MCPH1: variants seen among roughly 807,000 people sequenced by gnomAD.
MCPH1 encodes the protein microcephalin.
MCPH1 carries 104 observed loss-of-function variants against 84.5 expected under a neutral mutation model. That is an observed-to-expected ratio of 1.23 (90% CI 1.05 to 1.45). The LOEUF (loss-of-function observed/expected upper bound fraction) is 1.45, where lower values mean the gene tolerates loss of function less well. Among genes scored for constraint, MCPH1 ranks in the 40% most tolerant of loss-of-function variants. The pLI is 0.00. For synonymous variants in MCPH1, 514 were observed against 366.8 expected (o/e 1.40, Z -4.58); for missense variants, 1,498 against 1,005.7 (o/e 1.49, Z -6.62).
intron 4 of MCPH1, among the ~76,000 whole-genome samples, chr8:6,433,324 A>C (rs1234399021): frequency 1.8e-4 from 28 of 152,148 alleles, no homozygotes; most frequent in Admixed American, 1.8e-3. Context: ...CAGCTCCACC[A>C]ATCATATACA....
At chr8:6,561,476 G>A (rs539901408) in intron 12 of MCPH1, among the ~76,000 whole-genome samples, 9 of 152,208 alleles carry the variant, frequency 5.9e-5, no homozygotes, top group Non-Finnish European at 8.8e-5. Context: ...TCCAAGATCC[G>A]TTCTGAGATT....
At chr8:6,465,932 C>CATCG (rs1309320518) in intron 9 of MCPH1, among the ~76,000 whole-genome samples, 3 of 113,848 alleles carry the variant, frequency 2.6e-5, no homozygotes, top group Non-Finnish European at 5.9e-5. Context: ...TCGATCCATC[C>CATCG]ATCCATCCAT....
At chr8:6,416,102 G>A (rs867718642) in intron 3 of MCPH1, among the ~76,000 whole-genome samples, 7 of 152,166 alleles carry the variant, frequency 4.6e-5, no homozygotes, top group Admixed American at 3.3e-4. Flanking sequence ...AGCTGTTAGT[G>A]TATAGAAATG....
rs1185950994 is a variant in MCPH1 at position 6,439,004 on chromosome 8, C to T, written c.488C>T (p.Thr163Ile). ...GAATCTAATGGTTCATTAATATATA[C>T]TCCCACAATTGAAATTAATAGTAGG... ...LFESNGSLIY[T>I]PTIEINSRHH... The change falls in exon 6 of 14, where the codon ACT (threonine) becomes ATT (isoleucine). Residue 163 changes from threonine to isoleucine, a missense_variant. Physicochemically the swap from Thr to Ile is moderately conservative, Grantham distance 89. Transcript: ENST00000344683. The T allele has an allele frequency of 6.2e-7, 1 of 1,608,964 alleles. No individual in the cohort carries two copies. Among genetic ancestry groups the T allele is most frequent in the Non-Finnish European group, 8.5e-7 (1 of 1,175,652 alleles).
At chr8:6,439,125 T>C (rs1803106161) in intron 6 of MCPH1, 29 bp downstream of exon 6, 2 of 1,604,250 alleles carry the variant, frequency 1.2e-6, no homozygotes, top group African/African-American at 1.3e-5. Context: ...AAATGAAAAT[T>C]ATGCAAATAG....
intron 13 of MCPH1, among the ~76,000 whole-genome samples, chr8:6,633,438 T>G (rs1358984975): frequency 1.3e-5 from 2 of 152,216 alleles, no homozygotes; most frequent in Non-Finnish European, 1.5e-5. Flanking sequence ...GATTCAAGGC[T>G]AGCCATGTAA....
intron 12 of MCPH1, among the ~76,000 whole-genome samples, chr8:6,524,771 T>C (rs1178625343): frequency 6.6e-6 from 1 of 152,222 alleles, no homozygotes; most frequent in Admixed American, 6.5e-5. Flanking sequence ...TGTGGCCATG[T>C]AAGGTCTGTA....
intron 12 of MCPH1, among the ~76,000 whole-genome samples, chr8:6,594,410 C>T (rs1237116858): frequency 6.6e-6 from 1 of 152,204 alleles, no homozygotes; most frequent in East Asian, 1.9e-4. Context: ...AGAGGGCTTC[C>T]ACTCCCTTGG....
intron 3 of MCPH1, among the ~76,000 whole-genome samples, chr8:6,419,687 T>A (rs1036989399): frequency 6.6e-6 from 1 of 151,866 alleles, no homozygotes; most frequent in African/African-American, 2.4e-5. Context: ...ATTAAAGAAT[T>A]TTTTTTATAG....
intron 8 of MCPH1, chr8:6,445,927 G>T: frequency 5.1e-6 from 5 of 989,384 alleles, no homozygotes; most frequent in Non-Finnish European, 6.0e-6. Context: ...TAAAACCTAG[G>T]TTCTTAATAG....
At chr8:6,553,824 G>A (rs374403246) in intron 12 of MCPH1, among the ~76,000 whole-genome samples, 8 of 152,206 alleles carry the variant, frequency 5.3e-5, no homozygotes, top group African/African-American at 1.9e-4. Context: ...AAAGTCCCAC[G>A]TGATTCAGCC....
chr8:6,492,546 TC>T (rs1810740896), intron 11 of MCPH1, among the ~76,000 whole-genome samples: 1 of 151,740 alleles, frequency 6.6e-6, no homozygotes, highest in South Asian at 2.1e-4. Context: ...GAAGTCCTTG[TC>T]CATGCCTGTG....
chr8:6,626,844 T>C (rs893879901), intron 13 of MCPH1: 16 of 985,042 alleles, frequency 1.6e-5, no homozygotes, highest in South Asian at 4.7e-5. Flanking sequence ...GCTGCTGTTA[T>C]CACGAAAGGC....
Position 6,642,906 on chromosome 8 carries a change from T to C in MCPH1, c.2453-88T>C, listed in dbSNP as rs1057115248. The C allele has an allele frequency of 2.4e-6, 3 of 1,233,408 alleles. No homozygotes were observed. In the Admixed American group the frequency reaches 5.5e-5, roughly 23 times the overall value. 76.4% of individuals were successfully genotyped at this position (1,233,408 alleles called of 1,614,324 possible). ...CAGCTCTTGGCTATTTGTTTTTAAATATAGTTTCATGTATATACAAACAGG... is the reference window on the plus strand; with the variant it reads ...CAGCTCTTGGCTATTTGTTTTTAAACATAGTTTCATGTATATACAAACAGG... On this transcript the variant is annotated intron_variant, in intron 13 of 13. Transcript: ENST00000344683.
intron 3 of MCPH1, among the ~76,000 whole-genome samples, chr8:6,423,936 A>G (rs1800655151): frequency 6.6e-6 from 1 of 152,012 alleles, no homozygotes; most frequent in South Asian, 2.1e-4. Context: ...GTGAGCTTGA[A>G]TTTTCTTCAG....
At chr8:6,610,177 C>T (rs565892781) in intron 12 of MCPH1, among the ~76,000 whole-genome samples, 27 of 152,298 alleles carry the variant, frequency 1.8e-4, no homozygotes, top group Middle Eastern at 3.4e-3. Context: ...GCTCATGCTT[C>T]TGGTTCTCTT....
chr8:6,510,165 T>TG (rs1290932574), intron 12 of MCPH1, among the ~76,000 whole-genome samples: 1 of 151,544 alleles, frequency 6.6e-6, no homozygotes, highest in Non-Finnish European at 1.5e-5. Flanking sequence ...TTTCTTTTTT[T>TG]TTTTTTATTT....
In MCPH1 at chr8:6,623,704, A is replaced by AC. The variant is rs1831737411; in HGVS notation, c.2452+2013_2452+2014insC. On this transcript the variant is annotated intron_variant, in intron 13 of 13. Transcript: ENST00000344683. The stretch of plus-strand genomic sequence containing the variant: ...ACCAACTTCCAAAAAAAAAAAAAAA[A>AC]AAAAAAAAAAAAAACTATTGATTTT... Among the ~76,000 whole-genome samples, 2 of 6,248 alleles carry AC rather than the reference A, an allele frequency of 3.2e-4. 1 individual carries two copies. Among genetic ancestry groups the AC allele is most frequent in the Admixed American group, 2.5e-3 (2 of 798 alleles). 4.1% of individuals were successfully genotyped at this position (6,248 alleles called of 152,430 possible).
At chr8:6,510,954 A>G (rs1188116961) in intron 12 of MCPH1, among the ~76,000 whole-genome samples, 1 of 152,208 alleles carries the variant, frequency 6.6e-6, no homozygotes, top group Non-Finnish European at 1.5e-5. Flanking sequence ...TGCTAATGTC[A>G]TAAATACTCA....
Sources: allele counts gnomAD v4.1 joint callset (sites outside exome capture counted in the v4.1 genomes callset), GRCh38; gene constraint gnomAD v4.1.1; transcripts MANE v1.5; gene names NCBI Gene and HGNC (gene_info 2026-07-23, HGNC 2026-07-21).